Variants in ERBB4 observed in about 807,000 individuals in gnomAD.
The protein encoded by ERBB4 is erb-b2 receptor tyrosine kinase 4.
Under a neutral mutation model 158.0 loss-of-function variants are expected in ERBB4, and 42 were observed. The observed-to-expected ratio is 0.27, with a 90% CI of 0.21 to 0.34. ERBB4 has a LOEUF of 0.34. ERBB4 is among the 10% of genes least tolerant of loss of function. The pLI is 1.00. For synonymous variants in ERBB4, 583 were observed against 558.7 expected (o/e 1.04, Z -0.61); for missense variants, 1,333 against 1,624.1 (o/e 0.82, Z 3.08).
chr2:211,621,374 C>T (rs949183241), intron 18 of ERBB4, among the ~76,000 whole-genome samples: 3 of 151,998 alleles, frequency 2.0e-5, no homozygotes, highest in Non-Finnish European at 4.4e-5. Flanking sequence ...AGCCAATTTG[C>T]ACTTCTATGG....
intron 9 of ERBB4, among the ~76,000 whole-genome samples, chr2:211,710,169 G>A (rs1021800381): frequency 2.0e-5 from 3 of 152,108 alleles, no homozygotes; most frequent in African/African-American, 7.2e-5. Flanking sequence ...AAAGTGGAAT[G>A]TTGTGCCTGA....
At chr2:212,242,935 C>T (rs1222049334) in intron 1 of ERBB4, among the ~76,000 whole-genome samples, 1 of 152,134 alleles carries the variant, frequency 6.6e-6, no homozygotes, top group East Asian at 1.9e-4. Context: ...CACTTGAACA[C>T]ATCAAAGTGT....
Position 212,421,450 on chromosome 2 carries a change from T to C in ERBB4, c.82+116999A>G, listed in dbSNP as rs555744630. Among the ~76,000 whole-genome samples the C allele has an allele frequency of 4.6e-5, 7 of 152,274 alleles. No homozygotes were observed. The South Asian group carries it at 1.5e-3, about 32-fold the overall frequency. ...ACAATTTCAATTGACTTAACACTTT[T>C]CTTATGTCATCTAGTCTTGTTTTCT... On this transcript the variant is annotated intron_variant, in intron 1 of 27. Coordinates refer to ENST00000342788, the MANE Select transcript of ERBB4 (RefSeq NM_005235.3).
intron 2 of ERBB4, among the ~76,000 whole-genome samples, chr2:212,099,801 C>T (rs2079032681): frequency 6.6e-6 from 1 of 151,138 alleles, no homozygotes; most frequent in Non-Finnish European, 1.5e-5. Context: ...CTCTCTCTCC[C>T]TCTCTCTTTT....
At chr2:212,039,082 C>G (rs1488426313) in intron 2 of ERBB4, among the ~76,000 whole-genome samples, 1 of 151,988 alleles carries the variant, frequency 6.6e-6, no homozygotes, top group East Asian at 1.9e-4. Context: ...TTTATTTTCT[C>G]ATTTATTTAG....
At chr2:211,753,760 A>G (rs2075205513) in intron 4 of ERBB4, among the ~76,000 whole-genome samples, 1 of 147,938 alleles carries the variant, frequency 6.8e-6, no homozygotes, top group Non-Finnish European at 1.5e-5. Flanking sequence ...TAATATATAT[A>G]TATTATACAT....
At chr2:212,058,398 CCAAT>C (rs144984066) in intron 2 of ERBB4, among the ~76,000 whole-genome samples, 17,859 of 151,990 alleles carry the variant, frequency 0.12, 1,714 homozygotes, top group African/African-American at 0.27. Flanking sequence ...TAAAACTATT[CCAAT>C]CAATCGAAAA....
chr2:211,978,015 T>C (rs1575464282), intron 2 of ERBB4, among the ~76,000 whole-genome samples: 1 of 150,708 alleles, frequency 6.6e-6, no homozygotes, highest in East Asian at 1.9e-4. Context: ...TAAATATTCA[T>C]CTTGCTGCAT....
intron 3 of ERBB4, among the ~76,000 whole-genome samples, chr2:211,882,549 G>A (rs542362626): frequency 7.0e-4 from 106 of 152,172 alleles, no homozygotes; most frequent in African/African-American, 2.4e-3. Flanking sequence ...TGCAAAAATA[G>A]ATAATAAAAT....
intron 3 of ERBB4, among the ~76,000 whole-genome samples, chr2:211,844,742 C>T (rs933806640): frequency 6.6e-6 from 1 of 152,136 alleles, no homozygotes; most frequent in Non-Finnish European, 1.5e-5. Flanking sequence ...TGATACATGA[C>T]TATAGTATTT....
chr2:212,386,041 T>C (rs539448229), intron 1 of ERBB4, among the ~76,000 whole-genome samples: 2 of 151,988 alleles, frequency 1.3e-5, no homozygotes, highest in South Asian at 4.1e-4. Flanking sequence ...CCAGTCACTC[T>C]CTCTGTGTCT....
chr2:212,160,417 G>A (rs1045997362), intron 1 of ERBB4, among the ~76,000 whole-genome samples: 1 of 151,958 alleles, frequency 6.6e-6, no homozygotes, highest in African/African-American at 2.4e-5. Flanking sequence ...CTGGTAAAGA[G>A]GGTGAACTCT....
chr2:211,531,943 C>A (rs1479103578), intron 20 of ERBB4, among the ~76,000 whole-genome samples: 1 of 151,880 alleles, frequency 6.6e-6, no homozygotes, highest in Non-Finnish European at 1.5e-5. Flanking sequence ...TAAAGAAAAT[C>A]TGGTACATAT....
intron 1 of ERBB4, among the ~76,000 whole-genome samples, chr2:212,308,663 A>G (rs1326290073): frequency 2.0e-5 from 3 of 151,054 alleles, no homozygotes; most frequent in Non-Finnish European, 3.0e-5. Flanking sequence ...AATGATCACT[A>G]GAAAAAAGGC....
At chr2:212,124,438 G>T in intron 2 of ERBB4, 1 of 354,246 alleles carries the variant, frequency 2.8e-6, no homozygotes, top group South Asian at 2.9e-5. Context: ...TTATCTGATT[G>T]GTCCTCTGAC....
At chr2:211,526,686 A>T (rs1049641151) in intron 20 of ERBB4, among the ~76,000 whole-genome samples, 3 of 152,306 alleles carry the variant, frequency 2.0e-5, no homozygotes, top group South Asian at 4.1e-4. Context: ...ACTCAAAGAA[A>T]TTCAAGGCAA....
At chr2:211,528,443 C>T (rs1465488381) in intron 20 of ERBB4, among the ~76,000 whole-genome samples, 1 of 151,974 alleles carries the variant, frequency 6.6e-6, no homozygotes, top group East Asian at 1.9e-4. Context: ...CAGCATTGGA[C>T]AGATCTTCCA....
At chr2:211,524,674 C>CTCCGGCTGCTCCGGCTGCTCCGA (rs1185583504) in intron 20 of ERBB4, among the ~76,000 whole-genome samples, 3 of 135,238 alleles carry the variant, frequency 2.2e-5, no homozygotes, top group African/African-American at 6.6e-5. Context: ...GCTCCGAGTG[C>CTCCGGCTGCTCCGGCTGCTCCGA]GGGGCCGCCA....
chr2:212,285,288 A>G (rs951683149), intron 1 of ERBB4, among the ~76,000 whole-genome samples: 1 of 152,134 alleles, frequency 6.6e-6, no homozygotes. Context: ...TCAGAAAGAC[A>G]TCCATGAAGT....
Sources: allele counts gnomAD v4.1 joint callset (sites outside exome capture counted in the v4.1 genomes callset), GRCh38; gene constraint gnomAD v4.1.1; transcripts MANE v1.5; gene names NCBI Gene and HGNC (gene_info 2026-07-23, HGNC 2026-07-21).